POU6F2: variants seen among roughly 807,000 people sequenced by gnomAD.
POU6F2 encodes the protein POU class 6 homeobox 2, also known as POU domain, class 6, transcription factor 2.
POU6F2 carries 31 observed loss-of-function variants against 71.3 expected under a neutral mutation model. That is an observed-to-expected ratio of 0.43 (90% CI 0.33 to 0.59). The LOEUF (loss-of-function observed/expected upper bound fraction) is 0.59, where lower values mean the gene tolerates loss of function less well. POU6F2 is among the 20% of genes least tolerant of loss of function. The pLI is 0.04. For missense variants in POU6F2, 783 were observed against 856.8 expected (o/e 0.91, Z 1.07); for synonymous variants, 347 against 355.7 (o/e 0.98, Z 0.27).
At chr7:39,220,560 A>G (rs1385896958) in intron 4 of POU6F2, among the ~76,000 whole-genome samples, 1 of 152,162 alleles carries the variant, frequency 6.6e-6, no homozygotes, top group Non-Finnish European at 1.5e-5. Flanking sequence ...CAGAAGCTAC[A>G]TGGTCAGGAG....
chr7:38,997,574 C>T (rs1044408445), intron 1 of POU6F2, among the ~76,000 whole-genome samples: 1 of 152,104 alleles, frequency 6.6e-6, no homozygotes, highest in Admixed American at 6.5e-5. Flanking sequence ...GTTCTATTTC[C>T]CCTTGATGAT....
intron 2 of POU6F2, among the ~76,000 whole-genome samples, chr7:39,105,599 T>C (rs1304778956): frequency 6.6e-6 from 1 of 152,146 alleles, no homozygotes; most frequent in Non-Finnish European, 1.5e-5. Context: ...GATATACAAA[T>C]AATTTCTGGC....
intron 8 of POU6F2, among the ~76,000 whole-genome samples, chr7:39,453,327 G>A (rs975226984): frequency 8.6e-5 from 13 of 151,946 alleles, no homozygotes; most frequent in Middle Eastern, 3.4e-3. Context: ...ACTTTTCCTC[G>A]GGAAGAGTCA....
chr7:39,038,149 A>G (rs960434526), intron 1 of POU6F2, among the ~76,000 whole-genome samples: 1 of 152,024 alleles, frequency 6.6e-6, no homozygotes, highest in Non-Finnish European at 1.5e-5. Context: ...CTCTTTTGTC[A>G]TAGGATTGTT....
chr7:39,436,056 T>C (rs566887288), intron 7 of POU6F2, among the ~76,000 whole-genome samples: 45 of 152,302 alleles, frequency 3.0e-4, no homozygotes, highest in African/African-American at 1.1e-3. Flanking sequence ...TGAGGCGGAG[T>C]GATGCCTCCA....
chr7:39,116,785 A>G (rs1791939216), intron 2 of POU6F2, among the ~76,000 whole-genome samples: 1 of 152,100 alleles, frequency 6.6e-6, no homozygotes. Flanking sequence ...CCCTCCTTCC[A>G]AATAAAAATC....
At chr7:38,990,725 C>T (rs1285048808) in intron 1 of POU6F2, among the ~76,000 whole-genome samples, 2 of 152,082 alleles carry the variant, frequency 1.3e-5, no homozygotes, top group African/African-American at 4.8e-5. Context: ...CTCTCCACAC[C>T]TGCATCCCTC....
intron 1 of POU6F2, among the ~76,000 whole-genome samples, chr7:38,993,514 G>A (rs775686777): frequency 4.2e-5 from 5 of 118,846 alleles, no homozygotes; most frequent in African/African-American, 8.9e-5. Context: ...AGGGGTTGCA[G>A]GTTTAAGTTT....
chr7:39,005,541 T>C (rs371156618), intron 1 of POU6F2, among the ~76,000 whole-genome samples: 1 of 142,098 alleles, frequency 7.0e-6, no homozygotes, highest in Non-Finnish European at 1.6e-5. Flanking sequence ...TGTTTGCGTG[T>C]GTGCGTGCAG....
chr7:39,336,423 A>G (rs10268735), intron 4 of POU6F2, among the ~76,000 whole-genome samples: 57,447 of 151,776 alleles, frequency 0.38, 11,387 homozygotes, highest in East Asian at 0.72. Context: ...GGCTTCTTTC[A>G]CTTAGTGTCA....
intron 2 of POU6F2, among the ~76,000 whole-genome samples, chr7:39,092,438 A>G (rs1791377685): frequency 6.6e-6 from 1 of 152,104 alleles, no homozygotes. Context: ...TAAATTTCAA[A>G]TGTCTTTTCT....
chr7:39,355,342 ACTTTC>A lies in POU6F2; in HGVS notation c.972+15332_972+15336del, dbSNP rs544715704. 5.0e-4 allele frequency among the ~76,000 whole-genome samples: 76 copies of A among 152,320 alleles called. No individual in the cohort carries two copies. The East Asian group carries it at 0.014, about 28-fold the overall frequency. On this transcript the variant is annotated intron_variant, in intron 5 of 9. Coordinates refer to ENST00000518318, the MANE Select transcript of POU6F2 (RefSeq NM_001370959.1). ...AAAGGCTACAAATTTTTTTAAGGAC[ACTTTC>A]CTTTAAGTGATATACAAATGAACAT...
intron 4 of POU6F2, among the ~76,000 whole-genome samples, chr7:39,255,847 C>A (rs1784009945): frequency 6.6e-6 from 1 of 152,180 alleles, no homozygotes; most frequent in African/African-American, 2.4e-5. Context: ...AGCAGTACTG[C>A]CCCTCTCAAA....
At chr7:39,269,536 C>T (rs1273757966) in intron 4 of POU6F2, among the ~76,000 whole-genome samples, 1 of 152,244 alleles carries the variant, frequency 6.6e-6, no homozygotes, top group African/African-American at 2.4e-5. Context: ...TGAGGCTAAG[C>T]TATTCCCTTT....
intron 9 of POU6F2, among the ~76,000 whole-genome samples, chr7:39,463,350 C>T (rs1032854555): frequency 6.6e-6 from 1 of 152,126 alleles, no homozygotes; most frequent in African/African-American, 2.4e-5. Flanking sequence ...CATTCAAGTA[C>T]AGTTTGCAGA....
chr7:39,127,343 G>T (rs1410618427), intron 2 of POU6F2, among the ~76,000 whole-genome samples: 2 of 152,144 alleles, frequency 1.3e-5, no homozygotes, highest in Non-Finnish European at 2.9e-5. Flanking sequence ...TGATGAAGAG[G>T]ATCTTGGTAG....
intron 1 of POU6F2, among the ~76,000 whole-genome samples, chr7:39,031,578 GCTTT>G: frequency 6.6e-6 from 1 of 151,898 alleles, no homozygotes; most frequent in Non-Finnish European, 1.5e-5. Flanking sequence ...CTATCATTTA[GCTTT>G]CTTAGCATTG....
intron 4 of POU6F2, among the ~76,000 whole-genome samples, chr7:39,249,178 T>C (rs1281823776): frequency 1.3e-5 from 2 of 152,272 alleles, no homozygotes; most frequent in Middle Eastern, 6.3e-3. Flanking sequence ...GCATTGTTGC[T>C]GACTCCTTAA....
chr7:39,169,377 G>T (rs1793171399), intron 2 of POU6F2, among the ~76,000 whole-genome samples: 2 of 152,092 alleles, frequency 1.3e-5, no homozygotes, highest in African/African-American at 4.8e-5. Flanking sequence ...GAACTGTTAG[G>T]CTTGTTAAGC....
Sources: allele counts gnomAD v4.1 joint callset (sites outside exome capture counted in the v4.1 genomes callset), GRCh38; gene constraint gnomAD v4.1.1; transcripts MANE v1.5; gene names NCBI Gene and HGNC (gene_info 2026-07-23, HGNC 2026-07-21).